REEP1: variants seen among roughly 807,000 people sequenced by gnomAD.
The protein encoded by REEP1 is receptor expression-enhancing protein 1.
A neutral mutation model predicts 40.3 loss-of-function variants in REEP1; 22 were observed. That is an observed-to-expected ratio of 0.55 (90% confidence interval 0.39 to 0.78). The LOEUF is 0.78. Among genes scored for constraint, REEP1 ranks in the 30% least tolerant of loss-of-function variants. The pLI, the probability that REEP1 is intolerant of heterozygous loss-of-function variation, is 0.00. For synonymous variants in REEP1, 116 were observed against 139.2 expected (o/e 0.83, Z 1.17); for missense variants, 280 against 361.1 (o/e 0.78, Z 1.82).
intron 5 of REEP1, among the ~76,000 whole-genome samples, chr2:86,246,487 C>CG (rs1558885587): frequency 6.6e-6 from 1 of 152,034 alleles, no homozygotes. Context: ...ACAAGATCTC[C>CG]GGGGGAACTA....
intron 1 of REEP1, among the ~76,000 whole-genome samples, chr2:86,336,509 C>G (rs1681041216): frequency 6.6e-6 from 1 of 152,210 alleles, no homozygotes; most frequent in African/African-American, 2.4e-5. Flanking sequence ...ACTCCCCACA[C>G]CCATTTCAGC....
chr2:86,241,714 C>T (rs1675675080), intron 5 of REEP1, among the ~76,000 whole-genome samples: 1 of 152,224 alleles, frequency 6.6e-6, no homozygotes, highest in South Asian at 2.1e-4. Flanking sequence ...GGGCAAGTCA[C>T]TCAAACCCCT....
At position 86,232,693 on chromosome 2, in the gene REEP1, C is replaced by G; in HGVS notation, c.527G>C (p.Gly176Ala). Reference sequence around the variant, plus strand: ...CTGGCCGTGTTTGCCGCTGGCCCGCCCAGACCCCGGTGGTGGGGGGCCCGA... The same window carrying G: ...CTGGCCGTGTTTGCCGCTGGCCCGCGCAGACCCCGGTGGTGGGGGGCCCGA... The part of the protein sequence containing the change: ...APSGPPPPGS[G>A]RASGKHGQPK... Residue 176 changes from glycine (G) to alanine (A), a missense_variant, in exon 6 of 9, where the codon GGG becomes GCG. Coordinates refer to ENST00000538924, the MANE Select transcript of REEP1 (RefSeq NM_001371279.1). 6.2e-7 allele frequency: 1 copy of G among 1,611,832 alleles called. No individual in the cohort carries two copies. Among genetic ancestry groups the G allele is most frequent in the Non-Finnish European group, 8.5e-7 (1 of 1,179,982 alleles).
chr2:86,290,050 G>A (rs932096296), intron 1 of REEP1, among the ~76,000 whole-genome samples: 2 of 152,148 alleles, frequency 1.3e-5, no homozygotes, highest in Non-Finnish European at 1.5e-5. Context: ...AGGCTGGAGT[G>A]CAGCGGCACA....
intron 1 of REEP1, among the ~76,000 whole-genome samples, chr2:86,324,209 GATAAA>G (rs1431345820): frequency 6.6e-6 from 1 of 152,064 alleles, no homozygotes; most frequent in Non-Finnish European, 1.5e-5. Flanking sequence ...TATAAAAAAT[GATAAA>G]ATAAATCACA....
intron 1 of REEP1, among the ~76,000 whole-genome samples, chr2:86,289,365 T>C (rs1678574285): frequency 6.6e-6 from 1 of 152,226 alleles, no homozygotes; most frequent in South Asian, 2.1e-4. Flanking sequence ...TCTATTTGAC[T>C]GATCTACTGT....
chr2:86,291,259 C>T (rs1376542739), intron 1 of REEP1, among the ~76,000 whole-genome samples: 1 of 152,172 alleles, frequency 6.6e-6, no homozygotes, highest in Non-Finnish European at 1.5e-5. Flanking sequence ...AGGAAGACTG[C>T]TGCCTGCTTC....
chr2:86,237,030 A>G (rs1012079195), intron 5 of REEP1, among the ~76,000 whole-genome samples: 3 of 152,218 alleles, frequency 2.0e-5, no homozygotes, highest in East Asian at 1.9e-4. Context: ...CACCGCGCCC[A>G]GCAGATTTTC....
rs1463541075 is a variant in REEP1, at chr2:86,217,039, T to C, written c.855A>G (p.Ter285TrpextTer3). 1.2e-6 allele frequency: 2 copies of C among 1,613,306 alleles called. No individual in the cohort carries two copies. Among genetic ancestry groups the C allele is most frequent in the Non-Finnish European group, 1.7e-6 (2 of 1,179,322 alleles). Residue 285 changes from the stop codon to tryptophan (W), a stop_lost, in exon 9 of 9, where the codon TGA becomes TGG. Coordinates refer to ENST00000538924, the MANE Select transcript of REEP1 (RefSeq NM_001371279.1). ...STSSSATETT[*>W] ...ATCCGGTGCTGTTGGCTCATCTCACTCACGTGGTTTCGGTGGCCGAGGATG... is the reference window on the plus strand; with the variant it reads ...ATCCGGTGCTGTTGGCTCATCTCACCCACGTGGTTTCGGTGGCCGAGGATG...
intron 1 of REEP1, among the ~76,000 whole-genome samples, chr2:86,293,371 T>C (rs1465887139): frequency 6.6e-6 from 1 of 152,058 alleles, no homozygotes; most frequent in African/African-American, 2.4e-5. Context: ...GAAAGACAAA[T>C]GATGATGGGC....
chr2:86,286,662 C>T (rs1185131121), intron 1 of REEP1, among the ~76,000 whole-genome samples: 1 of 152,116 alleles, frequency 6.6e-6, no homozygotes. Flanking sequence ...CCAATGTCAG[C>T]GAAAACACAG....
Position 86,337,243 on chromosome 2 carries a change from CG to C in REEP1, c.32+235del. 8.3e-6 allele frequency: 2 copies of C among 240,908 alleles called. No homozygotes were observed. The highest frequency in any genetic ancestry group is 7.9e-6 in the Non-Finnish European group (1 of 126,550). 14.9% of individuals were successfully genotyped at this position (240,908 alleles called of 1,614,324 possible). A position where few individuals can be genotyped will look rare whatever the true frequency, so the allele number is the denominator to read the frequency against. On this transcript the variant is annotated intron_variant, in intron 1 of 8. Transcript: ENST00000538924. This position sits in a 1 kb window ranked among gnomAD's most constrained non-coding sequence, Gnocchi z 5.8. ...CCGAGCGCCCCAGCCCTCGCCGTCC[CG>C]GCCCAGCCCCCCGCAAGCGGCCGCC...
intron 1 of REEP1, among the ~76,000 whole-genome samples, chr2:86,284,475 C>T (rs1678280066): frequency 6.6e-6 from 1 of 152,182 alleles, no homozygotes; most frequent in African/African-American, 2.4e-5. Context: ...CCAAAGCCAG[C>T]ACCATCCAGG....
intron 5 of REEP1, among the ~76,000 whole-genome samples, chr2:86,246,481 G>A (rs1340682679): frequency 6.6e-6 from 1 of 152,174 alleles, no homozygotes; most frequent in African/African-American, 2.4e-5. Flanking sequence ...CTGGAGACAA[G>A]ATCTCCGGGG....
intron 5 of REEP1, 149 bp downstream of exon 5, chr2:86,251,807 AT>A: frequency 5.4e-6 from 4 of 738,056 alleles, no homozygotes; most frequent in Admixed American, 1.9e-5. Context: ...AAGATTCAGC[AT>A]TTTTTTCCAT....
rs1674764966 is a variant in REEP1, at chr2:86,227,391, G to T, written c.603C>A (p.Thr201=). 1 of 1,232,294 alleles carries T rather than the reference G, an allele frequency of 8.1e-7. No individual in the cohort carries two copies. Among genetic ancestry groups the T allele is most frequent in the African/African-American group, 1.6e-5 (1 of 64,422 alleles). 76.3% of individuals were successfully genotyped at this position (1,232,294 alleles called of 1,614,324 possible). A position where few individuals can be genotyped will look rare whatever the true frequency, so the allele number is the denominator to read the frequency against. ...ASESASSSVC[T]CCSTCRTWKV... ...TCCAGGTCCTGCAGGTGGAGCAGCAGGTACACACTGTGGGAATGGGGTAGG... is the reference window on the plus strand; with the variant it reads ...TCCAGGTCCTGCAGGTGGAGCAGCATGTACACACTGTGGGAATGGGGTAGG... Residue 201 remains threonine (T), a synonymous_variant, in exon 7 of 9, where the codon ACC becomes ACA. Transcript: ENST00000538924.
intron 8 of REEP1, among the ~76,000 whole-genome samples, chr2:86,217,427 T>C (rs1191717617): frequency 6.6e-6 from 1 of 152,220 alleles, no homozygotes; most frequent in Non-Finnish European, 1.5e-5. Context: ...CTTAAATGAT[T>C]CAGCAGAAAG....
rs1157667637 is a variant in REEP1, at chr2:86,267,476, T to C, written c.106-3435A>G. On this transcript the variant is annotated intron_variant, in intron 2 of 8. Transcript: ENST00000538924. ...AAATTACCCAGTCTCAGGGAAGTTC[T>C]TTATAGCAGTGTGAAAACAGACTAA... 6.6e-5 allele frequency among the ~76,000 whole-genome samples: 10 copies of C among 152,174 alleles called. 1 individual carries two copies. Among genetic ancestry groups the C allele is most frequent in the Admixed American group, 6.5e-4 (10 of 15,280 alleles).
At chr2:86,288,496 T>C (rs991749295) in intron 1 of REEP1, among the ~76,000 whole-genome samples, 6 of 152,232 alleles carry the variant, frequency 3.9e-5, no homozygotes, top group African/African-American at 1.4e-4. Flanking sequence ...CACTTTACTA[T>C]ATGAACATAT....
Sources: allele counts gnomAD v4.1 joint callset (sites outside exome capture counted in the v4.1 genomes callset), GRCh38; gene constraint gnomAD v4.1.1; non-coding constraint Gnocchi (gnomAD v3.1); transcripts MANE v1.5; gene names NCBI Gene and HGNC (gene_info 2026-07-23, HGNC 2026-07-21).